The following BPTF variants were observed in gnomAD, a reference collection of about 807,000 sequenced individuals.
BPTF encodes bromodomain PHD finger transcription factor, also known as nucleosome-remodeling factor subunit BPTF.
Under a neutral mutation model 292.5 loss-of-function variants are expected in BPTF, and 18 were observed. That is an observed-to-expected ratio of 0.06 (90% CI 0.04 to 0.09). The LOEUF (loss-of-function observed/expected upper bound fraction) is 0.09, where lower values mean the gene tolerates loss of function less well. BPTF is among the 10% of genes least tolerant of loss of function. BPTF has a pLI of 1.00. For missense variants in BPTF, 2,726 were observed against 3,498.7 expected (o/e 0.78, Z 5.57); for synonymous variants, 1,225 against 1,251.9 (o/e 0.98, Z 0.45).
chr17:67,830,234 C>G (rs1363423739), intron 1 of BPTF, among the ~76,000 whole-genome samples: 1 of 152,206 alleles, frequency 6.6e-6, no homozygotes, highest in African/African-American at 2.4e-5. Context: ...TCTTGTGTTG[C>G]AGTCTCAGTC....
At chr17:67,948,341 GT>G in intron 23 of BPTF, 35 bp downstream of exon 23, 1 of 1,544,714 alleles carries the variant, frequency 6.5e-7, no homozygotes. Context: ...TGTGTCCAGT[GT>G]TTAACATCTG....
At position 67,924,531 on chromosome 17, in the gene BPTF, C is replaced by T. The variant is rs761724085; in HGVS notation, c.5709-16C>T. The T allele has an allele frequency of 4.3e-6, 7 of 1,611,328 alleles. No homozygotes were observed. In the South Asian group the frequency reaches 4.4e-5, roughly 10 times the overall value. On this transcript the variant is annotated splice_polypyrimidine_tract_variant and intron_variant, in intron 14 of 27. Transcript: ENST00000306378. ...ACAGGCTAGTTTCTGATAAGTTTCT[C>T]CTTTTTTTCCTGCAGAGTGGAGAAA...
At chr17:67,865,236 A>C (rs111534384) in intron 2 of BPTF, among the ~76,000 whole-genome samples, 1,572 of 152,222 alleles carry the variant, frequency 0.01, 20 homozygotes, top group South Asian at 0.023. Flanking sequence ...AGGGAACTCC[A>C]CCCATATCCT....
At chr17:67,909,530 A>T in intron 9 of BPTF, 52 bp from the exon 10 acceptor site, 1 of 1,170,904 alleles carries the variant, frequency 8.5e-7, no homozygotes, top group Non-Finnish European at 1.2e-6. Context: ...GACATATTAA[A>T]GTGCTAATAC....
intron 23 of BPTF, chr17:67,955,629 C>T (rs1417901225): frequency 4.6e-5 from 7 of 151,878 alleles, no homozygotes; most frequent in African/African-American, 1.7e-4. Context: ...GAGTTCGAGA[C>T]CAGCCTGGCT....
intron 4 of BPTF, among the ~76,000 whole-genome samples, chr17:67,876,359 C>G (rs2060049199): frequency 6.6e-6 from 1 of 152,174 alleles, no homozygotes; most frequent in African/African-American, 2.4e-5. Context: ...GGGACGACTT[C>G]CATTTGAGTA....
chr17:67,943,701 G>A (rs1285947792), intron 19 of BPTF, among the ~76,000 whole-genome samples: 1 of 152,058 alleles, frequency 6.6e-6, no homozygotes, highest in Non-Finnish European at 1.5e-5. Context: ...TTCTTAGTTG[G>A]GAATCAGAAG....
intron 19 of BPTF, among the ~76,000 whole-genome samples, chr17:67,942,177 G>A (rs868940608): frequency 6.6e-5 from 10 of 152,134 alleles, no homozygotes; most frequent in Admixed American, 3.9e-4. Flanking sequence ...TTAGTCAGGC[G>A]TGGTGGTGTA....
At chr17:67,929,840 G>T (rs2147472522) in intron 17 of BPTF, among the ~76,000 whole-genome samples, 1 of 152,344 alleles carries the variant, frequency 6.6e-6, no homozygotes, top group South Asian at 2.1e-4. Context: ...GCTGGGCCAG[G>T]TGCGGCGGCT....
At chr17:67,848,433 T>C (rs1021604107) in intron 1 of BPTF, among the ~76,000 whole-genome samples, 4 of 152,158 alleles carry the variant, frequency 2.6e-5, no homozygotes, top group African/African-American at 9.7e-5. Flanking sequence ...CACGCTGTCA[T>C]GGAGGACCGT....
chr17:67,829,474 C>T (rs1312514368), intron 1 of BPTF, among the ~76,000 whole-genome samples: 1 of 151,108 alleles, frequency 6.6e-6, no homozygotes, highest in Non-Finnish European at 1.5e-5. Context: ...CCTTGCCCCC[C>T]ACCCCCCGGA....
intron 27 of BPTF, among the ~76,000 whole-genome samples, chr17:67,980,371 C>A (rs1194055857): frequency 6.6e-6 from 1 of 152,142 alleles, no homozygotes; most frequent in Non-Finnish European, 1.5e-5. Flanking sequence ...ACCCAGAGAA[C>A]TGAAAAGTCA....
At chr17:67,887,214 G>T (rs554226234) in intron 4 of BPTF, among the ~76,000 whole-genome samples, 1 of 152,198 alleles carries the variant, frequency 6.6e-6, no homozygotes, top group African/African-American at 2.4e-5. Flanking sequence ...TACTCATGTG[G>T]TTAAGTTTCT....
At chr17:67,959,900 G>GT in intron 24 of BPTF, 25 bp downstream of exon 24, 1 of 1,462,772 alleles carries the variant, frequency 6.8e-7, no homozygotes, top group Admixed American at 2.5e-5. Context: ...TTGAGCTCTA[G>GT]TTTTTTGTCT....
chr17:67,868,908 A>G (rs1450093597), intron 3 of BPTF, among the ~76,000 whole-genome samples: 3 of 152,218 alleles, frequency 2.0e-5, no homozygotes, highest in Admixed American at 1.3e-4. Flanking sequence ...CTTAGTTACC[A>G]TGAATTATAT....
chr17:67,843,196 ACATACATGTAGATGTATG>A (rs2057713412), intron 1 of BPTF, among the ~76,000 whole-genome samples: 2 of 127,110 alleles, frequency 1.6e-5, no homozygotes, highest in Non-Finnish European at 1.8e-5. Context: ...ACATACATCT[ACATACATGTAGATGTATG>A]TAGATATATA....
chr17:67,944,575 C>G (rs1413784269), intron 20 of BPTF: 1 of 594,768 alleles, frequency 1.7e-6, no homozygotes, highest in South Asian at 2.0e-5. Context: ...CCACCCTCTC[C>G]CTCCTATTAA....
intron 1 of BPTF, among the ~76,000 whole-genome samples, chr17:67,827,147 G>A (rs1265513322): frequency 6.6e-6 from 1 of 152,180 alleles, no homozygotes; most frequent in East Asian, 1.9e-4. Flanking sequence ...TGCCTTGCTT[G>A]GGAAATGCAG....
In BPTF at chr17:67,945,651, C is replaced by T; in HGVS notation, c.6943C>T (p.Pro2315Ser). The change falls in exon 21 of 28, where the codon CCC becomes TCC. Residue 2315 changes from proline (P) to serine (S), a missense_variant. Pro to Ser is a moderately conservative substitution (Grantham distance 74). Coordinates refer to ENST00000306378, the MANE Select transcript of BPTF (RefSeq NM_182641.4). The stretch of plus-strand genomic sequence containing the variant: ...ATCCCATGTCCCTTCTGAAGCACAA[C>T]CCACCCACGCACAGTCATCCAAGCC... ...VSSHVPSEAQ[P>S]THAQSSKPQV... 6.2e-7 allele frequency: 1 copy of T among 1,614,082 alleles called. No individual in the cohort carries two copies. The highest frequency in any genetic ancestry group is 8.5e-7 in the Non-Finnish European group (1 of 1,180,014).
Sources: gnomAD v4.1 joint callset for allele counts (sites outside exome capture counted in the v4.1 genomes callset) on GRCh38, gnomAD v4.1.1 for gene constraint, MANE v1.5 for transcripts, NCBI Gene and HGNC (gene_info 2026-07-23, HGNC 2026-07-21) for gene names.